SLIT3: variants seen among roughly 807,000 people sequenced by gnomAD.
The protein encoded by SLIT3 is slit guidance ligand 3, also known as slit homolog 3 protein.
A neutral mutation model predicts 184.0 loss-of-function variants in SLIT3; 68 were observed. That is an observed-to-expected ratio of 0.37 (90% CI 0.30 to 0.45). SLIT3 has a LOEUF of 0.45. Among genes scored for constraint, SLIT3 ranks in the 20% least tolerant of loss-of-function variants. The pLI is 1.00. For missense variants in SLIT3, 1,707 were observed against 2,026.0 expected (o/e 0.84, Z 3.02); for synonymous variants, 831 against 828.6 (o/e 1.00, Z -0.05).
intron 2 of SLIT3, 78 bp from the exon 3 acceptor site, chr5:169,244,854 G>T (rs528433481): frequency 8.1e-6 from 10 of 1,237,456 alleles, no homozygotes; most frequent in South Asian, 3.6e-5. Flanking sequence ...TGCCATGCAG[G>T]CATGGTCACT....
chr5:168,964,452 T>C (rs2113296357), intron 4 of SLIT3, among the ~76,000 whole-genome samples: 1 of 152,334 alleles, frequency 6.6e-6, no homozygotes. Context: ...TACGTATTAT[T>C]GGCCAACAAA....
At chr5:168,807,534 T>C (rs1757012583) in intron 8 of SLIT3, among the ~76,000 whole-genome samples, 1 of 151,968 alleles carries the variant, frequency 6.6e-6, no homozygotes, top group African/African-American at 2.4e-5. Flanking sequence ...CAACCCCACA[T>C]CCCTCCCAGG....
chr5:169,173,371 C>T (rs1463161549), intron 4 of SLIT3, among the ~76,000 whole-genome samples: 1 of 152,136 alleles, frequency 6.6e-6, no homozygotes, highest in Non-Finnish European at 1.5e-5. Flanking sequence ...GGTAACTGAA[C>T]CGCAAAAGGC....
intron 3 of SLIT3, among the ~76,000 whole-genome samples, chr5:169,232,259 C>G (rs1189747785): frequency 6.6e-6 from 1 of 152,196 alleles, no homozygotes; most frequent in Admixed American, 6.5e-5. Context: ...GAGCCTTGCT[C>G]TGTTGCCCAG....
At chr5:169,154,677 A>C in intron 4 of SLIT3, among the ~76,000 whole-genome samples, 1 of 152,258 alleles carries the variant, frequency 6.6e-6, no homozygotes. Flanking sequence ...AGGGAATTAA[A>C]TTTGTGATGA....
At chr5:168,886,414 C>A (rs1760214814) in intron 4 of SLIT3, among the ~76,000 whole-genome samples, 1 of 152,104 alleles carries the variant, frequency 6.6e-6, no homozygotes, top group Admixed American at 6.5e-5. Flanking sequence ...GGTGCCAGAG[C>A]ATGGAGCTAT....
chr5:168,757,587 T>C lies in SLIT3; in HGVS notation c.1685+3275A>G, dbSNP rs559787561. 2.0e-3 allele frequency among the ~76,000 whole-genome samples: 304 copies of C among 152,250 alleles called. 2 individuals are homozygous for C. Among genetic ancestry groups the C allele is most frequent in the African/African-American group, 6.3e-3 (262 of 41,572 alleles). On this transcript the variant is annotated intron_variant, in intron 16 of 35. Coordinates refer to ENST00000519560, the MANE Select transcript of SLIT3 (RefSeq NM_003062.4). ...TAGCTGGCACTACAGGCGCCTGCCA[T>C]TGCGCCCGGCTAATTTTTTTTGTAT...
intron 12 of SLIT3, among the ~76,000 whole-genome samples, chr5:168,779,243 C>A (rs550820714): frequency 6.6e-6 from 1 of 152,168 alleles, no homozygotes; most frequent in Non-Finnish European, 1.5e-5. Context: ...TGTTTCCAAT[C>A]GTCATGCTGC....
chr5:168,767,751 C>T (rs1181950473), intron 14 of SLIT3, among the ~76,000 whole-genome samples: 2 of 152,130 alleles, frequency 1.3e-5, no homozygotes, highest in African/African-American at 4.8e-5. Flanking sequence ...TAGGAATTCC[C>T]CTTTGGGTTA....
intron 5 of SLIT3, 138 bp from the exon 6 acceptor site, chr5:168,844,793 C>G: frequency 1.5e-6 from 1 of 676,260 alleles, no homozygotes; most frequent in Non-Finnish European, 2.6e-6. Context: ...GCAGAGCCAG[C>G]CTGTCTGCCA....
At chr5:169,096,158 A>T (rs1465948135) in intron 4 of SLIT3, among the ~76,000 whole-genome samples, 1 of 152,210 alleles carries the variant, frequency 6.6e-6, no homozygotes, top group Non-Finnish European at 1.5e-5. Flanking sequence ...TTCACTCAAC[A>T]ATCCCTACTG....
chr5:169,118,844 C>G (rs1760782004), intron 4 of SLIT3, among the ~76,000 whole-genome samples: 1 of 152,208 alleles, frequency 6.6e-6, no homozygotes, highest in Non-Finnish European at 1.5e-5. Flanking sequence ...GGATATACCC[C>G]TTGCTGGTAA....
intron 7 of SLIT3, among the ~76,000 whole-genome samples, chr5:168,818,868 T>A (rs1581114152): frequency 6.6e-6 from 1 of 152,274 alleles, no homozygotes. Flanking sequence ...ACTGGGGCCT[T>A]GGCCGCCGCA....
intron 8 of SLIT3, among the ~76,000 whole-genome samples, chr5:168,810,726 C>T (rs1757132923): frequency 6.6e-6 from 1 of 152,122 alleles, no homozygotes; most frequent in African/African-American, 2.4e-5. Context: ...GCCCCCTGGA[C>T]CATGGCCTGA....
intron 5 of SLIT3, among the ~76,000 whole-genome samples, chr5:168,869,964 C>A (rs984728286): frequency 3.3e-5 from 5 of 152,224 alleles, no homozygotes; most frequent in African/African-American, 1.2e-4. Context: ...CGTAACACAT[C>A]CATTTATAGA....
intron 4 of SLIT3, among the ~76,000 whole-genome samples, chr5:169,070,577 A>G (rs1758508236): frequency 6.6e-6 from 1 of 152,176 alleles, no homozygotes; most frequent in Non-Finnish European, 1.5e-5. Context: ...TCAGCGTGTT[A>G]TCGGTATTTC....
intron 5 of SLIT3, among the ~76,000 whole-genome samples, chr5:168,845,892 T>C (rs532005885): frequency 3.4e-4 from 52 of 152,336 alleles, no homozygotes; most frequent in African/African-American, 1.2e-3. Flanking sequence ...ACTCTTTTAA[T>C]CTTCTCCACC....
At chr5:169,189,590 A>G (rs1763480731) in intron 4 of SLIT3, among the ~76,000 whole-genome samples, 1 of 136,226 alleles carries the variant, frequency 7.3e-6, no homozygotes. Flanking sequence ...GCAGTAATCT[A>G]AACTTTGAGC....
intron 4 of SLIT3, among the ~76,000 whole-genome samples, chr5:169,110,808 C>T (rs1242211396): frequency 6.6e-6 from 1 of 152,218 alleles, no homozygotes; most frequent in Admixed American, 6.5e-5. Flanking sequence ...ACCCCACCCT[C>T]AAACCCTTAT....
Sources: allele counts gnomAD v4.1 joint callset (sites outside exome capture counted in the v4.1 genomes callset), GRCh38; gene constraint gnomAD v4.1.1; transcripts MANE v1.5; gene names NCBI Gene and HGNC (gene_info 2026-07-23, HGNC 2026-07-21).